The following PRKG1 variants were observed in gnomAD, a reference collection of about 807,000 sequenced individuals.
PRKG1 encodes cGMP-dependent protein kinase 1.
A neutral mutation model predicts 88.1 loss-of-function variants in PRKG1; 35 were observed. The ratio of observed to expected loss-of-function variants is 0.40; its 90% confidence interval spans 0.30 to 0.53. The LOEUF is 0.53. Ranked by LOEUF, PRKG1 falls within the 20% of genes least tolerant of loss-of-function variation. PRKG1 has a pLI of 0.59. For synonymous variants in PRKG1, 303 were observed against 292.5 expected (o/e 1.04, Z -0.37); for missense variants, 540 against 839.8 (o/e 0.64, Z 4.41).
intron 4 of PRKG1, among the ~76,000 whole-genome samples, chr10:51,875,900 T>C (rs1347002706): frequency 6.6e-6 from 1 of 152,052 alleles, no homozygotes; most frequent in African/African-American, 2.4e-5. Flanking sequence ...TCTAGAGAGT[T>C]ATTCTGTCTT....
chr10:51,361,649 T>C (rs183350807), intron 2 of PRKG1, among the ~76,000 whole-genome samples: 4 of 151,962 alleles, frequency 2.6e-5, no homozygotes, highest in Non-Finnish European at 5.9e-5. Context: ...TCATGCATGA[T>C]AATGATCATA....
intron 9 of PRKG1, among the ~76,000 whole-genome samples, chr10:52,165,094 A>T (rs1225221991): frequency 6.6e-6 from 1 of 152,334 alleles, no homozygotes; most frequent in African/African-American, 2.4e-5. Context: ...AGTGAGGCTG[A>T]TAATATGACC....
chr10:51,447,748 G>A (rs1025484399), intron 2 of PRKG1, among the ~76,000 whole-genome samples: 1 of 151,830 alleles, frequency 6.6e-6, no homozygotes, highest in Non-Finnish European at 1.5e-5. Context: ...ATTCTCTTCT[G>A]CAGGAAGTCA....
At chr10:51,678,540 G>A (rs1840767367) in intron 3 of PRKG1, among the ~76,000 whole-genome samples, 1 of 152,174 alleles carries the variant, frequency 6.6e-6, no homozygotes. Context: ...GTCAGCATCG[G>A]AATGATTCTA....
chr10:51,508,969 G>A (rs1436375982), intron 3 of PRKG1, among the ~76,000 whole-genome samples: 1 of 152,090 alleles, frequency 6.6e-6, no homozygotes, highest in Non-Finnish European at 1.5e-5. Flanking sequence ...AATCTAAAGG[G>A]CATTTCAGAT....
chr10:51,805,872 T>A (rs913362944), intron 4 of PRKG1, among the ~76,000 whole-genome samples: 2 of 152,158 alleles, frequency 1.3e-5, no homozygotes, highest in African/African-American at 2.4e-5. Flanking sequence ...TTAATTACTG[T>A]CAGCAGGGTG....
At chr10:52,190,342 A>G (rs142194161) in intron 9 of PRKG1, among the ~76,000 whole-genome samples, 2,025 of 152,304 alleles carry the variant, frequency 0.013, 45 homozygotes, top group African/African-American at 0.046. Flanking sequence ...AACAGAATAC[A>G]TTATTATTAA....
At chr10:51,385,367 G>C (rs1032951355) in intron 2 of PRKG1, among the ~76,000 whole-genome samples, 1 of 152,074 alleles carries the variant, frequency 6.6e-6, no homozygotes, top group Non-Finnish European at 1.5e-5. Context: ...TCTAAATAAT[G>C]GTTGATAATG....
intron 1 of PRKG1, among the ~76,000 whole-genome samples, chr10:51,137,519 T>C (rs1845718035): frequency 6.6e-6 from 1 of 152,092 alleles, no homozygotes; most frequent in Non-Finnish European, 1.5e-5. Context: ...TTAGGGGTGG[T>C]GAGAAGGTTC....
At chr10:51,314,188 A>T (rs1841262867) in intron 2 of PRKG1, among the ~76,000 whole-genome samples, 1 of 152,222 alleles carries the variant, frequency 6.6e-6, no homozygotes, top group Non-Finnish European at 1.5e-5. Flanking sequence ...CAGCAACGTC[A>T]TGGTACAGCC....
chr10:51,585,119 G>C (rs573903883), intron 3 of PRKG1, among the ~76,000 whole-genome samples: 16 of 150,956 alleles, frequency 1.1e-4, no homozygotes, highest in African/African-American at 2.7e-4. Flanking sequence ...ATGAGATGTA[G>C]ATAAACATAA....
chr10:51,518,821 T>TAA (rs1182700365), intron 3 of PRKG1, among the ~76,000 whole-genome samples: 2 of 152,222 alleles, frequency 1.3e-5, no homozygotes, highest in Non-Finnish European at 2.9e-5. Context: ...CTCATAATTT[T>TAA]AAAGGCTGGT....
intron 2 of PRKG1, among the ~76,000 whole-genome samples, chr10:51,327,353 G>A (rs1050899627): frequency 5.2e-4 from 79 of 150,522 alleles, no homozygotes; most frequent in African/African-American, 1.8e-3. Context: ...GGAGGCAGAG[G>A]TCTCAGTGAG....
chr10:52,069,744 C>T (rs923155735), intron 7 of PRKG1, among the ~76,000 whole-genome samples: 14 of 152,054 alleles, frequency 9.2e-5, no homozygotes, highest in South Asian at 4.2e-4. Context: ...TATGCATCCT[C>T]ATTGCTCATG....
chr10:51,761,520 A>G (rs1838021282), intron 3 of PRKG1, among the ~76,000 whole-genome samples: 1 of 152,220 alleles, frequency 6.6e-6, no homozygotes, highest in East Asian at 1.9e-4. Context: ...TGTGAACCCA[A>G]GGGCACAGCT....
intron 7 of PRKG1, among the ~76,000 whole-genome samples, chr10:52,090,493 A>G (rs1370714182): frequency 6.6e-6 from 1 of 150,554 alleles, no homozygotes; most frequent in Non-Finnish European, 1.5e-5. Flanking sequence ...TAATTAATAA[A>G]TGTAGAAGAA....
chr10:52,065,575 CTA>C (rs199507613), intron 7 of PRKG1, among the ~76,000 whole-genome samples: 1,581 of 152,240 alleles, frequency 0.01, 25 homozygotes, highest in Non-Finnish European at 0.013. Context: ...CTTACTCAGG[CTA>C]TATTACCTTA....
intron 2 of PRKG1, among the ~76,000 whole-genome samples, chr10:51,203,951 T>TA (rs1837977249): frequency 6.6e-6 from 1 of 152,226 alleles, no homozygotes; most frequent in Non-Finnish European, 1.5e-5. Flanking sequence ...TAGGGTGATA[T>TA]AAGTGACAGT....
intron 3 of PRKG1, among the ~76,000 whole-genome samples, chr10:51,565,269 A>G (rs1229777587): frequency 6.6e-6 from 1 of 152,036 alleles, no homozygotes; most frequent in Non-Finnish European, 1.5e-5. Context: ...TTGTCCTGCA[A>G]TTTGAATAAG....
Sources: gnomAD v4.1 joint callset for allele counts (sites outside exome capture counted in the v4.1 genomes callset) on GRCh38, gnomAD v4.1.1 for gene constraint, MANE v1.5 for transcripts, NCBI Gene and HGNC (gene_info 2026-07-23, HGNC 2026-07-21) for gene names.